GMPS: variants seen among roughly 807,000 people sequenced by gnomAD.
GMPS encodes the protein guanosine monophosphate synthase.
Under a neutral mutation model 77.9 loss-of-function variants are expected in GMPS, and 15 were observed. The observed-to-expected ratio is 0.19, with a 90% confidence interval of 0.13 to 0.30. The LOEUF is 0.30. Among genes scored for constraint, GMPS ranks in the 10% least tolerant of loss-of-function variants. The pLI, the probability that GMPS is intolerant of heterozygous loss-of-function variation, is 1.00. For missense variants in GMPS, 590 were observed against 838.8 expected, an observed-to-expected ratio of 0.70 and a Z score of 3.66; for synonymous variants, 224 against 275.9, an observed-to-expected ratio of 0.81 and a Z score of 1.86.
chr3:155,875,896 T>C (rs1754039653), intron 1 of GMPS, among the ~76,000 whole-genome samples: 1 of 152,164 alleles, frequency 6.6e-6, no homozygotes, highest in Non-Finnish European at 1.5e-5. Context: ...TAGTTAAGTC[T>C]ATACACTCAT....
At chr3:155,913,028 A>G (rs1305988893) in intron 7 of GMPS, among the ~76,000 whole-genome samples, 1 of 152,192 alleles carries the variant, frequency 6.6e-6, no homozygotes, top group African/African-American at 2.4e-5. Flanking sequence ...TGAGCCTACT[A>G]ATACCAGGCA....
Position 155,942,167 on chromosome 3 carries a change from A to T in GMPS, c.*4475A>T, listed in dbSNP as rs1047045459. 2 of 185,228 alleles carry T rather than the reference A, an allele frequency of 1.1e-5. No individual in the cohort carries two copies. The highest frequency in any genetic ancestry group is 2.3e-5 in the Non-Finnish European group (2 of 87,654). The allele number at this position is 185,228 out of a possible 1,614,324, so 11.5% of individuals were successfully genotyped here. ...AGTGGCACAATCTCGGCTCACTGCA[A>T]GCTCCGCTTCGTGGGTTCACGCCAT... On this transcript the variant is annotated 3_prime_UTR_variant, in exon 16 of 16. Coordinates refer to ENST00000496455, the MANE Select transcript of GMPS (RefSeq NM_003875.3).
chr3:155,886,697 T>G (rs1310040777), intron 1 of GMPS, among the ~76,000 whole-genome samples: 1 of 137,814 alleles, frequency 7.3e-6, no homozygotes, highest in African/African-American at 2.7e-5. Flanking sequence ...CTCCACTCAC[T>G]GGGTTTCATC....
chr3:155,869,987 C>T (rs1753861003), upstream of GMPS, among the ~76,000 whole-genome samples: 1 of 152,156 alleles, frequency 6.6e-6, no homozygotes, highest in African/African-American at 2.4e-5. Context: ...AATAAAAACA[C>T]TGTTGTGCAA....
rs1450412836 is a variant in GMPS, at chr3:155,943,463, G to A, written c.*5771G>A. 6 of 179,072 alleles carry A rather than the reference G, an allele frequency of 3.4e-5. No homozygotes were observed. Among genetic ancestry groups the A allele is most frequent in the East Asian group, 1.8e-4 (2 of 10,828 alleles). The allele number at this position is 179,072 out of a possible 1,614,324, so 11.1% of individuals were successfully genotyped here. A position where few individuals can be genotyped will look rare whatever the true frequency, so the allele number is the denominator to read the frequency against. On this transcript the variant is annotated 3_prime_UTR_variant, in exon 16 of 16. Transcript: ENST00000496455. ...AGATTTTTAAGGTAAGTAGTTTTTCGTCTTTGCATCTCCTAAGACCATTGT... is the reference window on the plus strand; with the variant it reads ...AGATTTTTAAGGTAAGTAGTTTTTCATCTTTGCATCTCCTAAGACCATTGT...
chr3:155,910,445 T>C (rs1410735537), intron 5 of GMPS, among the ~76,000 whole-genome samples: 1 of 151,690 alleles, frequency 6.6e-6, no homozygotes, highest in Admixed American at 6.6e-5. Context: ...GGCACACGCC[T>C]GTAATGCCAG....
chr3:155,908,185 A>C (rs559547063), intron 5 of GMPS, among the ~76,000 whole-genome samples: 2 of 152,354 alleles, frequency 1.3e-5, no homozygotes, highest in African/African-American at 4.8e-5. Context: ...TCAGGATAGT[A>C]GTGATAGATG....
At position 155,893,585 on chromosome 3, in the gene GMPS, A is replaced by T. The variant is rs1754525327; in HGVS notation, c.95A>T (p.Asp32Val). Reference sequence around the variant, plus strand: ...TATGAAGGAGCTGTTGTCATTCTGGATGCTGGTGCTCAGTACGGGAAAGTC... The same window carrying T: ...TATGAAGGAGCTGTTGTCATTCTGGTTGCTGGTGCTCAGTACGGGAAAGTC... ...HHYEGAVVIL[D>V]AGAQYGKVID... The change falls in exon 2 of 16, where the codon GAT becomes GTT. Residue 32 changes from aspartate to valine, a missense_variant. Asp to Val is a radical substitution (Grantham distance 152, BLOSUM62 -3). Transcript: ENST00000496455. 1.2e-6 allele frequency: 2 copies of T among 1,612,546 alleles called. No homozygotes were observed. The highest frequency in any genetic ancestry group is 1.7e-6 in the Non-Finnish European group (2 of 1,178,642).
intron 5 of GMPS, among the ~76,000 whole-genome samples, chr3:155,907,090 G>A (rs1445599351): frequency 6.6e-6 from 1 of 152,132 alleles, no homozygotes; most frequent in Non-Finnish European, 1.5e-5. Flanking sequence ...TAATCTGCCT[G>A]CTGTTACTTA....
intron 5 of GMPS, among the ~76,000 whole-genome samples, chr3:155,910,107 G>C (rs959092848): frequency 6.6e-6 from 1 of 152,056 alleles, no homozygotes; most frequent in African/African-American, 2.4e-5. Context: ...TAAGCCGAGC[G>C]TGGTGGCACA....
intron 5 of GMPS, among the ~76,000 whole-genome samples, chr3:155,907,272 A>T (rs918750535): frequency 4.6e-5 from 7 of 152,184 alleles, no homozygotes; most frequent in Non-Finnish European, 1.0e-4. Context: ...GCACAGTTCT[A>T]GGTGTCAAGG....
At chr3:155,896,133 C>T (rs1178905988) in intron 2 of GMPS, among the ~76,000 whole-genome samples, 1 of 152,050 alleles carries the variant, frequency 6.6e-6, no homozygotes, top group African/African-American at 2.4e-5. Flanking sequence ...CCTCAGCCTC[C>T]TAAGTGGCTG....
intron 2 of GMPS, among the ~76,000 whole-genome samples, chr3:155,897,093 G>A (rs1261481487): frequency 6.6e-6 from 1 of 152,116 alleles, no homozygotes; most frequent in Admixed American, 6.6e-5. Flanking sequence ...TTATGCAGGA[G>A]TGAAGGCCCA....
chr3:155,930,326 G>A (rs1218123956), intron 12 of GMPS, among the ~76,000 whole-genome samples: 7 of 146,772 alleles, frequency 4.8e-5, no homozygotes, highest in African/African-American at 1.8e-4. Flanking sequence ...GCTGAAACTG[G>A]ATCCCTTCCT....
In GMPS at chr3:155,936,419, C is replaced by T. The variant is rs1034426238; in HGVS notation, c.1889C>T (p.Ser630Leu). 1 of 1,606,932 alleles carries T rather than the reference C, an allele frequency of 6.2e-7. No homozygotes were observed. The highest frequency in any genetic ancestry group is 8.5e-7 in the Non-Finnish European group (1 of 1,173,792). ...FDRDPLQKQP[S>L]CQRSVVIRTF... is the part of the protein sequence containing the mutation. ...CGGGACCCACTTCAAAAGCAGCCTT[C>T]ATGCCAGAGATCTGTGGTTATTCGA... The change falls in exon 15 of 16, where the codon TCA (serine) becomes TTA (leucine). Residue 630 changes from serine to leucine, a missense_variant. Physicochemically the swap from Ser to Leu is moderately radical, Grantham distance 145. Around this residue, in one of 6 missense-constraint regions of GMPS, gnomAD observed 73 missense variants for 170.5 expected, o/e 0.43. Transcript: ENST00000496455.
Position 155,911,132 on chromosome 3 carries a change from G to A in GMPS, c.739G>A (p.Val247Ile), listed in dbSNP as rs1439126547. ...CCCGTAGGTTTTACTCAGTGGTGGA[G>A]TAGACTCAACAGTTTGTACAGCTTT... Reference protein sequence around the residue: ...SKVLVLLSGGVDSTVCTALLN... With the variant: ...SKVLVLLSGGIDSTVCTALLN... The change falls in exon 7 of 16, where the codon GTA becomes ATA. Residue 247 changes from valine to isoleucine, a missense_variant. Val to Ile is a conservative substitution (Grantham distance 29, BLOSUM62 3). Transcript: ENST00000496455. The A allele has an allele frequency of 5.0e-6, 8 of 1,609,502 alleles. No individual in the cohort carries two copies. Among genetic ancestry groups the A allele is most frequent in the Non-Finnish European group, 6.8e-6 (8 of 1,178,242 alleles).
intron 7 of GMPS, among the ~76,000 whole-genome samples, chr3:155,911,766 G>A (rs1457785228): frequency 2.6e-5 from 4 of 151,376 alleles, no homozygotes; most frequent in African/African-American, 9.7e-5. Context: ...TTGAACCTGG[G>A]AGGTGGAGGC....
At position 155,942,562 on chromosome 3, in the gene GMPS, C is replaced by G. The variant is rs1268781996; in HGVS notation, c.*4870C>G. ...GCTAAATTAGTTCAGATCCAGGAAC[C>G]AGATTCTGGAACTGATTGCACCTAT... On this transcript the variant is annotated 3_prime_UTR_variant, in exon 16 of 16. Transcript: ENST00000496455. 1 of 228,430 alleles carries G rather than the reference C, an allele frequency of 4.4e-6. No individual in the cohort carries two copies. The highest frequency in any genetic ancestry group is 1.3e-3 in the Middle Eastern group (1 of 754). The allele number at this position is 228,430 out of a possible 1,614,324, so 14.2% of individuals were successfully genotyped here. A position where few individuals can be genotyped will look rare whatever the true frequency, so the allele number is the denominator to read the frequency against.
chr3:155,939,978 G>C lies in GMPS; in HGVS notation c.*2286G>C, dbSNP rs1423987945. On this transcript the variant is annotated 3_prime_UTR_variant, in exon 16 of 16. Transcript: ENST00000496455. ...TTAAATTTCAGGTTTCCTTAGTCCA[G>C]ATTGTCCTGATGTGTATTCTGACAC... 1 of 204,284 alleles carries C rather than the reference G, an allele frequency of 4.9e-6. No individual in the cohort carries two copies. Among genetic ancestry groups the C allele is most frequent in the Non-Finnish European group, 1.0e-5 (1 of 99,898 alleles). The allele number at this position is 204,284 out of a possible 1,614,324, so 12.7% of individuals were successfully genotyped here.
Sources: gnomAD v4.1 joint callset for allele counts (sites outside exome capture counted in the v4.1 genomes callset) on GRCh38, gnomAD v4.1.1 for gene constraint, gnomAD v4.1.1 regional missense constraint, MANE v1.5 for transcripts, NCBI Gene and HGNC (gene_info 2026-07-23, HGNC 2026-07-21) for gene names.